Variants in GABRA2 observed in about 807,000 individuals in gnomAD.
The protein encoded by GABRA2 is gamma-aminobutyric acid receptor subunit alpha-2.
A neutral mutation model predicts 48.7 loss-of-function variants in GABRA2; 16 were observed. That is an observed-to-expected ratio of 0.33 (90% CI 0.22 to 0.50). GABRA2 has a LOEUF of 0.50. Ranked by LOEUF, GABRA2 falls within the 20% of genes least tolerant of loss-of-function variation. The probability of loss-of-function intolerance (pLI) is 0.98; values close to 1 mark genes in which losing one functional copy is unlikely to be tolerated. For missense variants in GABRA2, 275 were observed against 535.6 expected (o/e 0.51, Z 4.80); for synonymous variants, 185 against 184.5 (o/e 1.00, Z -0.02).
At chr4:46,352,436 C>G (rs1239687534) in intron 3 of GABRA2, among the ~76,000 whole-genome samples, 2 of 151,796 alleles carry the variant, frequency 1.3e-5, no homozygotes, top group Non-Finnish European at 2.9e-5. Context: ...CTCTGGTCCT[C>G]CCAGAAATAA....
rs1718007704 is a variant in GABRA2, at chr4:46,389,843, G to GAGAC, written c.-120_-119insGTCT. The stretch of plus-strand genomic sequence containing the variant: ...AGAGAGAGAGAGAGAGAGAGAGAGA[G>GAGAC]AGAGAGAGAGAGAGAGAGACCGAGA... On this transcript the variant is annotated 5_prime_UTR_variant, in exon 1 of 10. Coordinates refer to ENST00000381620, the MANE Select transcript of GABRA2 (RefSeq NM_000807.4). The GAGAC allele has an allele frequency of 1.0e-6, 1 of 977,832 alleles. No homozygotes were observed. The highest frequency in any genetic ancestry group is 1.8e-5 in the African/African-American group (1 of 55,010). 60.6% of individuals were successfully genotyped at this position (977,832 alleles called of 1,614,324 possible).
At chr4:46,273,589 T>TAA (rs908624455) in intron 8 of GABRA2, among the ~76,000 whole-genome samples, 2 of 149,048 alleles carry the variant, frequency 1.3e-5, no homozygotes, top group African/African-American at 2.5e-5. Flanking sequence ...GGAAATGTAT[T>TAA]AAGCCAAGCA....
rs1048841147 is a variant in GABRA2 at position 46,245,689 on chromosome 4, G to T, written c.*4619C>A. ...AAAACATTATTCCATACATACCTAGGAATTACACACATACACACTCGCAAA... is the reference window on the plus strand; with the variant it reads ...AAAACATTATTCCATACATACCTAGTAATTACACACATACACACTCGCAAA... On this transcript the variant is annotated 3_prime_UTR_variant, in exon 10 of 10. Coordinates refer to ENST00000381620, the MANE Select transcript of GABRA2 (RefSeq NM_000807.4). Among the ~76,000 whole-genome samples, 1 of 150,854 alleles carries T rather than the reference G, an allele frequency of 6.6e-6. No homozygotes were observed. The highest frequency in any genetic ancestry group is 1.5e-5 in the Non-Finnish European group (1 of 67,314).
intron 3 of GABRA2, among the ~76,000 whole-genome samples, chr4:46,343,559 G>GA: frequency 6.6e-6 from 1 of 151,892 alleles, no homozygotes; most frequent in African/African-American, 2.4e-5. Context: ...ATGAGGAAAT[G>GA]AAAAAAAGTA....
intron 3 of GABRA2, among the ~76,000 whole-genome samples, chr4:46,356,129 A>G (rs1735923320): frequency 6.6e-6 from 1 of 152,110 alleles, no homozygotes; most frequent in Admixed American, 6.6e-5. Context: ...TCACTCCTTA[A>G]ACTCTTAAAA....
chr4:46,301,511 C>G (rs1725729652), intron 8 of GABRA2, among the ~76,000 whole-genome samples: 1 of 152,238 alleles, frequency 6.6e-6, no homozygotes, highest in African/African-American at 2.4e-5. Context: ...ATCTATGTCT[C>G]CACTGCCACT....
At chr4:46,384,837 C>G (rs1031349987) in intron 3 of GABRA2, among the ~76,000 whole-genome samples, 1 of 151,818 alleles carries the variant, frequency 6.6e-6, no homozygotes, top group African/African-American at 2.4e-5. Context: ...TATTCTTTTC[C>G]TTTTTATTTT....
chr4:46,372,620 A>G (rs1715069193), intron 3 of GABRA2, among the ~76,000 whole-genome samples: 1 of 152,284 alleles, frequency 6.6e-6, no homozygotes, highest in Admixed American at 6.5e-5. Flanking sequence ...GGAATTTCCT[A>G]TTACACTCAG....
chr4:46,348,938 T>TA (rs35519062), intron 3 of GABRA2, among the ~76,000 whole-genome samples: 16 of 151,018 alleles, frequency 1.1e-4, no homozygotes, highest in African/African-American at 2.4e-4. Flanking sequence ...TAATAAAATT[T>TA]AAAAAAAAAG....
chr4:46,250,508 T>C lies in GABRA2; in HGVS notation c.1156A>G (p.Thr386Ala), dbSNP rs1391246807. ...PNLSKDPVLS[T>A]ISKSATTPEP... ...GGCGTGGTTGCACTCTTGGAGATGG[T>C]GGAGAGAACTGGATCTTTTGAAAGA... is the stretch of plus-strand genomic sequence containing the variant. The change falls in exon 10 of 10, where the codon ACC becomes GCC. Residue 386 changes from threonine (T) to alanine (A), a missense_variant. Coordinates refer to ENST00000381620, the MANE Select transcript of GABRA2 (RefSeq NM_000807.4). 6.2e-7 allele frequency: 1 copy of C among 1,611,818 alleles called. No homozygotes were observed. The highest frequency in any genetic ancestry group is 8.5e-7 in the Non-Finnish European group (1 of 1,178,520).
At chr4:46,275,955 T>A (rs544464737) in intron 8 of GABRA2, among the ~76,000 whole-genome samples, 2 of 152,204 alleles carry the variant, frequency 1.3e-5, no homozygotes, top group African/African-American at 4.8e-5. Flanking sequence ...AAAATTTGGC[T>A]GCAGTGAAAG....
rs1714288635 is a variant in GABRA2, at chr4:46,367,864, T to C, written c.187+18210A>G. ...TATTAAGTTACTTGCAAAATATTGC[T>C]AGTTCTTCCACTTCTGAGTAAATGG... is the stretch of plus-strand genomic sequence containing the variant. On this transcript the variant is annotated intron_variant, in intron 3 of 9. Transcript: ENST00000381620. 5.3e-5 allele frequency: 8 copies of C among 152,264 alleles called. No individual in the cohort carries two copies. In the South Asian group the frequency reaches 1.7e-3, roughly 32 times the overall value. 9.4% of individuals were successfully genotyped at this position (152,264 alleles called of 1,614,324 possible). A position where few individuals can be genotyped will look rare whatever the true frequency, so the allele number is the denominator to read the frequency against.
intron 3 of GABRA2, among the ~76,000 whole-genome samples, chr4:46,349,578 C>A (rs757706101): frequency 6.6e-6 from 1 of 151,858 alleles, no homozygotes; most frequent in South Asian, 2.1e-4. Context: ...GTTTGGTTTT[C>A]ATTTTCAACA....
At chr4:46,316,124 G>A (rs1211904235) in intron 4 of GABRA2, among the ~76,000 whole-genome samples, 1 of 151,424 alleles carries the variant, frequency 6.6e-6, no homozygotes, top group Non-Finnish European at 1.5e-5. Flanking sequence ...GTATTATATT[G>A]GAAGACAAAC....
chr4:46,378,104 C>T (rs550032845), intron 3 of GABRA2, among the ~76,000 whole-genome samples: 7 of 152,210 alleles, frequency 4.6e-5, no homozygotes, highest in African/African-American at 1.2e-4. Flanking sequence ...CCCGGCCGCC[C>T]CTACTGGGAA....
rs201192745 is a variant in GABRA2 at position 46,279,504 on chromosome 4, A to AT, written c.857-17377dup. On this transcript the variant is annotated intron_variant, in intron 8 of 9. Transcript: ENST00000381620. ...ATTCTCTTTTCATCTCTTTTTTTAA[A>AT]TTTTTTTTATTTTTTGCATCACAAC... 2.5e-3 allele frequency among the ~76,000 whole-genome samples: 375 copies of AT among 151,898 alleles called. 1 individual carries two copies. Among genetic ancestry groups the AT allele is most frequent in the African/African-American group, 8.4e-3 (347 of 41,456 alleles).
intron 8 of GABRA2, among the ~76,000 whole-genome samples, chr4:46,278,527 T>A (rs1422086739): frequency 6.6e-6 from 1 of 152,146 alleles, no homozygotes; most frequent in East Asian, 1.9e-4. Context: ...TAACTCTATA[T>A]TGCTTGCTTC....
At chr4:46,369,126 C>A (rs928899125) in intron 3 of GABRA2, 2 of 611,860 alleles carry the variant, frequency 3.3e-6, no homozygotes, top group African/African-American at 3.7e-5. Context: ...TATACTCAAA[C>A]GTTTCCTTGG....
At chr4:46,295,415 C>T (rs1724449266) in intron 8 of GABRA2, among the ~76,000 whole-genome samples, 1 of 152,160 alleles carries the variant, frequency 6.6e-6, no homozygotes, top group Non-Finnish European at 1.5e-5. Context: ...TGGTTAAAAA[C>T]TGTGAAGATA....
Sources: allele counts gnomAD v4.1 joint callset (sites outside exome capture counted in the v4.1 genomes callset), GRCh38; gene constraint gnomAD v4.1.1; transcripts MANE v1.5; gene names NCBI Gene and HGNC (gene_info 2026-07-23, HGNC 2026-07-21).